The following ATP11B variants were observed in gnomAD, a reference collection of about 807,000 sequenced individuals.
ATP11B encodes the protein ATPase phospholipid transporting 11B (putative).
Under a neutral mutation model 157.8 loss-of-function variants are expected in ATP11B, and 81 were observed. That is an observed-to-expected ratio of 0.51 (90% confidence interval 0.43 to 0.62). ATP11B has a LOEUF of 0.62. ATP11B is among the 20% of genes least tolerant of loss of function. ATP11B has a pLI of 0.00. For synonymous variants in ATP11B, 451 were observed against 469.4 expected, an observed-to-expected ratio of 0.96 and a Z score of 0.51; for missense variants, 1,165 against 1,402.2, an observed-to-expected ratio of 0.83 and a Z score of 2.70.
chr3:182,856,575 C>T, intron 10 of ATP11B, among the ~76,000 whole-genome samples: 1 of 152,082 alleles, frequency 6.6e-6, no homozygotes, highest in Non-Finnish European at 1.5e-5. Context: ...GGGCTTTAGA[C>T]CAGTTGTTTT....
chr3:182,839,486 A>T (rs1416957961), intron 7 of ATP11B, among the ~76,000 whole-genome samples: 1 of 152,184 alleles, frequency 6.6e-6, no homozygotes, highest in African/African-American at 2.4e-5. Flanking sequence ...ACAAGATGGA[A>T]TCATTGATAG....
chr3:182,821,190 A>G (rs903470220), intron 2 of ATP11B, among the ~76,000 whole-genome samples: 3 of 151,904 alleles, frequency 2.0e-5, no homozygotes, highest in Non-Finnish European at 1.5e-5. Flanking sequence ...GCCCATTGCA[A>G]CCTCTGCCTC....
chr3:182,850,546 A>G (rs1270669514), intron 10 of ATP11B, among the ~76,000 whole-genome samples: 2 of 152,192 alleles, frequency 1.3e-5, no homozygotes, highest in Non-Finnish European at 2.9e-5. Context: ...CAGAATGGCT[A>G]TTATTAAAAA....
chr3:182,793,864 G>A, intron 1 of ATP11B, 78 bp downstream of exon 1: 1 of 1,014,028 alleles, frequency 9.9e-7, no homozygotes, highest in Non-Finnish European at 1.3e-6. Flanking sequence ...GGAAAGGCCG[G>A]CGGCGCGGAG....
Position 182,918,365 on chromosome 3 carries a change from T to A in ATP11B, c.*261T>A. The A allele has an allele frequency of 2.3e-6, 1 of 426,612 alleles. No individual in the cohort carries two copies. Among genetic ancestry groups the A allele is most frequent in the Non-Finnish European group, 4.1e-6 (1 of 245,822 alleles). The allele number at this position is 426,612 out of a possible 1,614,324, so 26.4% of individuals were successfully genotyped here. A position where few individuals can be genotyped will look rare whatever the true frequency, so the allele number is the denominator to read the frequency against. On this transcript the variant is annotated 3_prime_UTR_variant, in exon 30 of 30. Transcript: ENST00000323116. ...TCTTTGTCTGGTTTGTCCCTTGTGC[T>A]TATGGGACTCCTAATGGCATTTCAG...
intron 1 of ATP11B, among the ~76,000 whole-genome samples, chr3:182,801,516 C>T (rs1351487992): frequency 1.3e-5 from 2 of 152,018 alleles, no homozygotes; most frequent in African/African-American, 2.4e-5. Flanking sequence ...ATAATGAGCC[C>T]CTTTATGGTA....
At chr3:182,868,015 A>G (rs1262688746) in intron 15 of ATP11B, among the ~76,000 whole-genome samples, 1 of 152,184 alleles carries the variant, frequency 6.6e-6, no homozygotes. Context: ...TGTTAACATT[A>G]TATTGTATCT....
intron 1 of ATP11B, among the ~76,000 whole-genome samples, chr3:182,808,956 CTTTAA>C (rs1056639688): frequency 8.3e-4 from 126 of 152,056 alleles, no homozygotes; most frequent in Non-Finnish European, 1.3e-3. Context: ...GTTTCTCAGA[CTTTAA>C]TTTAAAGTCT....
intron 1 of ATP11B, among the ~76,000 whole-genome samples, chr3:182,797,693 G>A (rs1426416892): frequency 6.6e-6 from 1 of 151,356 alleles, no homozygotes; most frequent in Non-Finnish European, 1.5e-5. Context: ...GGGTGACAGA[G>A]GGAGACTCTG....
intron 25 of ATP11B, among the ~76,000 whole-genome samples, chr3:182,890,062 T>C (rs1352331885): frequency 6.6e-6 from 1 of 152,260 alleles, no homozygotes; most frequent in Non-Finnish European, 1.5e-5. Context: ...CAATTCTAAA[T>C]AGATGTCATA....
intron 2 of ATP11B, among the ~76,000 whole-genome samples, chr3:182,826,899 C>T (rs539733419): frequency 6.6e-6 from 1 of 152,240 alleles, no homozygotes; most frequent in South Asian, 2.1e-4. Context: ...TCTGACATGA[C>T]ACTAGGTAAC....
In ATP11B at chr3:182,919,545, A is replaced by G. The variant is rs1190652291; in HGVS notation, c.*1441A>G. 6.6e-6 allele frequency: 1 copy of G among 152,476 alleles called. No homozygotes were observed. The highest frequency in any genetic ancestry group is 1.5e-5 in the Non-Finnish European group (1 of 68,024). The allele number at this position is 152,476 out of a possible 1,614,324, so 9.4% of individuals were successfully genotyped here. On this transcript the variant is annotated 3_prime_UTR_variant, in exon 30 of 30. Coordinates refer to ENST00000323116, the MANE Select transcript of ATP11B (RefSeq NM_014616.3). ...GAGAACTATTACCCAGCTCTAAGCAAATAATGATTGTATACATATTAAGAT... is the reference window on the plus strand; with the variant it reads ...GAGAACTATTACCCAGCTCTAAGCAGATAATGATTGTATACATATTAAGAT...
At chr3:182,867,280 A>G in intron 14 of ATP11B, 96 bp from the exon 15 acceptor site, 2 of 801,864 alleles carry the variant, frequency 2.5e-6, no homozygotes, top group Non-Finnish European at 4.1e-6. Context: ...TTGAACTTTG[A>G]TTTTAAATGT....
intron 1 of ATP11B, among the ~76,000 whole-genome samples, chr3:182,801,666 A>G (rs1716022925): frequency 6.6e-6 from 1 of 152,164 alleles, no homozygotes; most frequent in African/African-American, 2.4e-5. Flanking sequence ...CAGACATTAT[A>G]TAATTTTACC....
chr3:182,874,911 C>T (rs1407843188), intron 19 of ATP11B, among the ~76,000 whole-genome samples: 1 of 151,700 alleles, frequency 6.6e-6, no homozygotes, highest in Non-Finnish European at 1.5e-5. Context: ...GCCTCTTGGC[C>T]CACAAAACCT....
chr3:182,903,604 A>G lies in ATP11B; in HGVS notation c.3318+4832A>G, dbSNP rs371586665. 1.1e-4 allele frequency among the ~76,000 whole-genome samples: 17 copies of G among 152,326 alleles called. No homozygotes were observed. In the East Asian group the frequency reaches 3.1e-3, roughly 28 times the overall value. On this transcript the variant is annotated intron_variant, in intron 28 of 29. Coordinates refer to ENST00000323116, the MANE Select transcript of ATP11B (RefSeq NM_014616.3). Reference sequence around the variant, plus strand: ...AATTACAATGGTGTAATAATTACAGATGAGTATACAAATGGGTGTTTAAGT... The same window carrying G: ...AATTACAATGGTGTAATAATTACAGGTGAGTATACAAATGGGTGTTTAAGT...
chr3:182,897,975 A>G (rs971053523), intron 27 of ATP11B, among the ~76,000 whole-genome samples: 3 of 152,042 alleles, frequency 2.0e-5, no homozygotes, highest in African/African-American at 7.2e-5. Context: ...GAGAATTTAT[A>G]TTACATTTGC....
At chr3:182,804,278 C>T (rs574125217) in intron 1 of ATP11B, among the ~76,000 whole-genome samples, 6 of 151,726 alleles carry the variant, frequency 4.0e-5, no homozygotes, top group Admixed American at 2.6e-4. Flanking sequence ...CAGAGTCTCC[C>T]TCTGACCCCC....
At chr3:182,851,854 G>C (rs1273457317) in intron 10 of ATP11B, among the ~76,000 whole-genome samples, 1 of 152,336 alleles carries the variant, frequency 6.6e-6, no homozygotes, top group East Asian at 1.9e-4. Context: ...GTCAGAGATT[G>C]TCAGATTGGA....
Sources: allele counts gnomAD v4.1 joint callset (sites outside exome capture counted in the v4.1 genomes callset), GRCh38; gene constraint gnomAD v4.1.1; transcripts MANE v1.5; gene names NCBI Gene and HGNC (gene_info 2026-07-23, HGNC 2026-07-21).